PTPRK: variants seen among roughly 807,000 people sequenced by gnomAD.
PTPRK encodes the protein protein tyrosine phosphatase receptor type K, also known as receptor-type tyrosine-protein phosphatase kappa.
A neutral mutation model predicts 178.0 loss-of-function variants in PTPRK; 75 were observed. The ratio of observed to expected loss-of-function variants is 0.42; its 90% CI spans 0.35 to 0.51. PTPRK has a LOEUF of 0.51. PTPRK is among the 20% of genes least tolerant of loss of function. PTPRK has a pLI of 0.02. For missense variants in PTPRK, 1,441 were observed against 1,797.8 expected (o/e 0.80, Z 3.59); for synonymous variants, 637 against 620.6 (o/e 1.03, Z -0.39).
chr6:128,418,352 T>C (rs1843069860), intron 1 of PTPRK, among the ~76,000 whole-genome samples: 1 of 152,202 alleles, frequency 6.6e-6, no homozygotes, highest in Non-Finnish European at 1.5e-5. Context: ...GACTGGTACA[T>C]GTCTGTGGCT....
At chr6:128,419,477 T>TGGTGGCGGGCAC (rs1843217316) in intron 1 of PTPRK, among the ~76,000 whole-genome samples, 1 of 151,958 alleles carries the variant, frequency 6.6e-6, no homozygotes, top group African/African-American at 2.4e-5. Context: ...TAGCCGGGCA[T>TGGTGGCGGGCAC]GGTGGCGGGC....
chr6:128,398,434 TC>T (rs1840622692), intron 1 of PTPRK, among the ~76,000 whole-genome samples: 1 of 152,168 alleles, frequency 6.6e-6, no homozygotes, highest in African/African-American at 2.4e-5. Context: ...AGCCTTAGGT[TC>T]CCTGCCTCCG....
rs769452445 is a variant in PTPRK at position 128,184,510 on chromosome 6, G to A, written c.1084C>T (p.Arg362Ter). The change falls in exon 7 of 30, where the codon CGA becomes TGA. Residue 362 changes from arginine (R) to a stop codon, truncating the protein, a stop_gained. Coordinates refer to ENST00000368226, the MANE Select transcript of PTPRK (RefSeq NM_002844.4). LOFTEE classifies it high-confidence loss of function. Reference protein sequence around the residue: ...HLDPDTEYEIRVLLTRPGEGG... With the variant: ...HLDPDTEYEI ...TCACCAGGTCTTGTAAGTAGAACTC[G>A]GATCTCATATTCGGTATCTGGATCT... The A allele has an allele frequency of 5.0e-6, 8 of 1,613,862 alleles. No homozygotes were observed. The highest frequency in any genetic ancestry group is 1.7e-5 in the Admixed American group (1 of 59,972).
chr6:128,351,239 A>C (rs1833083545), intron 2 of PTPRK, among the ~76,000 whole-genome samples: 1 of 152,212 alleles, frequency 6.6e-6, no homozygotes, highest in African/African-American at 2.4e-5. Flanking sequence ...TGATATAAAC[A>C]CGGGAAAAAG....
chr6:128,355,110 A>G (rs1833779004), intron 2 of PTPRK, among the ~76,000 whole-genome samples: 1 of 152,238 alleles, frequency 6.6e-6, no homozygotes, highest in Non-Finnish European at 1.5e-5. Context: ...TCTTAAGAGT[A>G]TATTGACTTC....
chr6:128,102,699 C>T (rs184287366), intron 7 of PTPRK, among the ~76,000 whole-genome samples: 138 of 152,300 alleles, frequency 9.1e-4, no homozygotes, highest in African/African-American at 2.9e-3. Flanking sequence ...TTCCTGAACT[C>T]CAGACTCATG....
In PTPRK at chr6:128,519,071, C is replaced by A; in HGVS notation, c.100+1188G>T. 1.9e-6 allele frequency: 1 copy of A among 532,600 alleles called. No individual in the cohort carries two copies. The highest frequency in any genetic ancestry group is 1.4e-5 in the South Asian group (1 of 71,196). The allele number at this position is 532,600 out of a possible 1,614,324, so 33.0% of individuals were successfully genotyped here. On this transcript the variant is annotated intron_variant, in intron 1 of 29. Transcript: ENST00000368226. This position sits in a 1 kb window ranked among gnomAD's most constrained non-coding sequence, Gnocchi z 4.3. ...CGCTTTTCCCGTCTTCTCCATCACC[C>A]TCTGGCCACCACTGCGTCTCCATCT...
At chr6:128,120,596 G>T (rs895966726) in intron 7 of PTPRK, among the ~76,000 whole-genome samples, 3 of 151,858 alleles carry the variant, frequency 2.0e-5, no homozygotes, top group African/African-American at 7.2e-5. Flanking sequence ...TATTGCTTAT[G>T]GAAAAATTTC....
intron 5 of PTPRK, among the ~76,000 whole-genome samples, chr6:128,237,496 CA>C (rs747261078): frequency 6.6e-6 from 1 of 152,098 alleles, no homozygotes; most frequent in Non-Finnish European, 1.5e-5. Context: ...ATCTTCCACA[CA>C]AAAAGGTTAT....
intron 5 of PTPRK, among the ~76,000 whole-genome samples, chr6:128,221,945 T>C (rs535735294): frequency 1.3e-5 from 2 of 152,084 alleles, no homozygotes; most frequent in Non-Finnish European, 2.9e-5. Context: ...ATCATTTCCA[T>C]ACAATCTTCC....
chr6:128,469,067 C>T (rs2128417150), intron 1 of PTPRK, among the ~76,000 whole-genome samples: 1 of 152,134 alleles, frequency 6.6e-6, no homozygotes, highest in East Asian at 1.9e-4. Flanking sequence ...ATGTACTTTT[C>T]ACATTTGTAG....
intron 12 of PTPRK, among the ~76,000 whole-genome samples, chr6:128,065,754 T>C (rs909720445): frequency 5.9e-5 from 9 of 152,216 alleles, no homozygotes; most frequent in Admixed American, 5.9e-4. Flanking sequence ...GCACTTCTAT[T>C]ACTTGTGGCC....
intron 1 of PTPRK, among the ~76,000 whole-genome samples, chr6:128,483,770 T>C (rs527669015): frequency 2.0e-5 from 3 of 152,190 alleles, no homozygotes; most frequent in African/African-American, 7.2e-5. Flanking sequence ...TGCCTGCAAC[T>C]AGTTTAGAAT....
At chr6:128,391,138 C>A (rs1295646709) in intron 2 of PTPRK, among the ~76,000 whole-genome samples, 2 of 151,896 alleles carry the variant, frequency 1.3e-5, no homozygotes, top group Admixed American at 1.3e-4. Context: ...AAAAAGAATT[C>A]TATTACTTAA....
intron 2 of PTPRK, among the ~76,000 whole-genome samples, chr6:128,361,899 T>C (rs1019136563): frequency 1.3e-5 from 2 of 152,192 alleles, no homozygotes; most frequent in African/African-American, 2.4e-5. Flanking sequence ...GCACATTCCA[T>C]AGTTTCCAGC....
At position 127,983,253 on chromosome 6, in the gene PTPRK, C is replaced by T; in HGVS notation, c.3376G>A (p.Val1126Ile). Reference protein sequence around the residue: ...KALRSRRINMVQTEEQYIFIH... With the variant: ...KALRSRRINMIQTEEQYIFIH... Reference sequence around the variant, plus strand: ...GTAAATCTACATACCTCTGTCTGGACCATATTAATACGCCGAGATCTTAAG... The same window carrying T: ...GTAAATCTACATACCTCTGTCTGGATCATATTAATACGCCGAGATCTTAAG... Residue 1126 changes from valine to isoleucine, a missense_variant, in exon 23 of 30, where the codon GTC becomes ATC. Around this residue, in one of 4 missense-constraint regions of PTPRK, gnomAD observed 335 missense variants for 512.4 expected, o/e 0.65. Coordinates refer to ENST00000368226, the MANE Select transcript of PTPRK (RefSeq NM_002844.4). 1.9e-6 allele frequency: 3 copies of T among 1,611,002 alleles called. No homozygotes were observed. Among genetic ancestry groups the T allele is most frequent in the Non-Finnish European group, 2.5e-6 (3 of 1,178,388 alleles).
intron 3 of PTPRK, among the ~76,000 whole-genome samples, chr6:128,293,890 A>G (rs1399953404): frequency 6.6e-6 from 1 of 152,082 alleles, no homozygotes; most frequent in Non-Finnish European, 1.5e-5. Context: ...TATCATAGAC[A>G]TGTTTCCTTG....
intron 5 of PTPRK, among the ~76,000 whole-genome samples, chr6:128,221,891 A>T (rs1810479210): frequency 6.6e-6 from 1 of 152,178 alleles, no homozygotes; most frequent in Admixed American, 6.5e-5. Context: ...CAAAAAAAAA[A>T]ATTATACATG....
At chr6:128,099,229 T>C (rs1788404689) in intron 7 of PTPRK, among the ~76,000 whole-genome samples, 1 of 151,226 alleles carries the variant, frequency 6.6e-6, no homozygotes, top group South Asian at 2.1e-4. Context: ...CCTCTAATAC[T>C]GCTTAGGTGC....
Sources: gnomAD v4.1 joint callset for allele counts (sites outside exome capture counted in the v4.1 genomes callset) on GRCh38, gnomAD v4.1.1 for gene constraint, gnomAD v4.1.1 regional missense constraint, Gnocchi (gnomAD v3.1) non-coding constraint, MANE v1.5 for transcripts, NCBI Gene and HGNC (gene_info 2026-07-23, HGNC 2026-07-21) for gene names.